Variants in ZMYM4 observed in about 807,000 individuals in gnomAD.
ZMYM4 encodes zinc finger MYM-type containing 4, also known as zinc finger MYM-type protein 4.
ZMYM4 carries 31 observed loss-of-function variants against 183.2 expected under a neutral mutation model. The ratio of observed to expected loss-of-function variants is 0.17; its 90% CI spans 0.13 to 0.23. ZMYM4 has a LOEUF of 0.23. Among genes scored for constraint, ZMYM4 ranks in the 10% least tolerant of loss-of-function variants. The pLI, the probability that ZMYM4 is intolerant of heterozygous loss-of-function variation, is 1.00. For synonymous variants in ZMYM4, 592 were observed against 631.2 expected (o/e 0.94, Z 0.93); for missense variants, 1,273 against 1,840.3 (o/e 0.69, Z 5.64).
intron 5 of ZMYM4, among the ~76,000 whole-genome samples, chr1:35,364,368 C>T (rs918000552): frequency 6.6e-6 from 1 of 152,096 alleles, no homozygotes; most frequent in Non-Finnish European, 1.5e-5. Flanking sequence ...CAATACCAGT[C>T]CTATAGGATC....
chr1:35,322,064 A>G (rs1465488731), intron 1 of ZMYM4, among the ~76,000 whole-genome samples: 1 of 152,064 alleles, frequency 6.6e-6, no homozygotes, highest in Non-Finnish European at 1.5e-5. Context: ...TAATTTTCCA[A>G]GATATACTAT....
chr1:35,284,024 C>T (rs556541237), intron 1 of ZMYM4, among the ~76,000 whole-genome samples: 9 of 151,342 alleles, frequency 5.9e-5, no homozygotes, highest in South Asian at 2.1e-4. Flanking sequence ...GGCTGGACTG[C>T]GGACTGCAGT....
intron 2 of ZMYM4, among the ~76,000 whole-genome samples, chr1:35,330,892 A>T (rs935551495): frequency 3.9e-5 from 6 of 152,346 alleles, no homozygotes; most frequent in Admixed American, 1.3e-4. Context: ...TTATTATTCG[A>T]TGAAATAGTG....
At position 35,387,231 on chromosome 1, in the gene ZMYM4, C is replaced by T; in HGVS notation, c.2065C>T (p.His689Tyr). ...AAGTGTTGTGAAACTCAAATGTCAA[C>T]ACTGTAACCGTCTTTTTGCCACAAA... is the stretch of plus-strand genomic sequence containing the variant. ...ARSVVKLKCQ[H>Y]CNRLFATKPE... The change falls in exon 12 of 30, where the codon CAC (histidine) becomes TAC (tyrosine). Residue 689 changes from histidine (H) to tyrosine (Y), a missense_variant. This residue lies in a region of ZMYM4 where 319 missense variants were observed against 518.1 expected (regional missense o/e 0.62). Coordinates refer to ENST00000314607, the MANE Select transcript of ZMYM4 (RefSeq NM_005095.3). 6.2e-7 allele frequency: 1 copy of T among 1,614,206 alleles called. No individual in the cohort carries two copies. Among genetic ancestry groups the T allele is most frequent in the Non-Finnish European group, 8.5e-7 (1 of 1,180,022 alleles).
chr1:35,368,974 G>A (rs1245595574), intron 5 of ZMYM4, among the ~76,000 whole-genome samples: 1 of 151,890 alleles, frequency 6.6e-6, no homozygotes, highest in African/African-American at 2.4e-5. Flanking sequence ...GAGGTTTTTG[G>A]TGCCCCCTTA....
At chr1:35,398,635 A>C (rs1240171363) in intron 21 of ZMYM4, among the ~76,000 whole-genome samples, 169 bp downstream of exon 21, 1 of 152,202 alleles carries the variant, frequency 6.6e-6, no homozygotes, top group Non-Finnish European at 1.5e-5. Flanking sequence ...AAGCCACTCA[A>C]ATGTTTGTTT....
In ZMYM4 at chr1:35,389,609, G is replaced by T. The variant is rs565669642; in HGVS notation, c.2437-339G>T. Among the ~76,000 whole-genome samples the T allele has an allele frequency of 2.2e-4, 34 of 152,074 alleles. No homozygotes were observed. The highest frequency in any genetic ancestry group is 7.0e-4 in the African/African-American group (29 of 41,504). The stretch of plus-strand genomic sequence containing the variant: ...CTCTACTAAAAATACAAAAAAATTA[G>T]CTGGGTGTGGTGGCGGGCGCCTGTA... On this transcript the variant is annotated intron_variant, in intron 14 of 29. Transcript: ENST00000314607. This position sits in a 1 kb window ranked among gnomAD's most constrained non-coding sequence, Gnocchi z 4.0.
chr1:35,306,760 A>G (rs1641551683), intron 1 of ZMYM4, among the ~76,000 whole-genome samples: 1 of 152,132 alleles, frequency 6.6e-6, no homozygotes, highest in Non-Finnish European at 1.5e-5. Flanking sequence ...GACCTCCTCT[A>G]CTAAAACTTT....
chr1:35,334,719 C>G (rs1642900821), intron 2 of ZMYM4, among the ~76,000 whole-genome samples: 1 of 152,160 alleles, frequency 6.6e-6, no homozygotes, highest in Non-Finnish European at 1.5e-5. Context: ...AATAGACAAT[C>G]ACTATTCATT....
intron 1 of ZMYM4, chr1:35,308,898 T>C (rs1641671901): frequency 2.2e-6 from 2 of 915,172 alleles, no homozygotes; most frequent in Admixed American, 1.2e-4. Flanking sequence ...AGGAAATTTT[T>C]TGCTTTTGGA....
At chr1:35,414,146 G>A in intron 27 of ZMYM4, 63 bp downstream of exon 27, 1 of 1,027,178 alleles carries the variant, frequency 9.7e-7, no homozygotes, top group Non-Finnish European at 1.5e-6. Context: ...AACTTTTTTG[G>A]TTATCTTTAA....
Position 35,399,586 on chromosome 1 carries a change from A to C in ZMYM4, c.3528+10A>C. ...CCAACCCAGACGAAGAGTAAGCTGC[A>C]GCTTAACTTTTCTAGACTTTTCTTT... On this transcript the variant is annotated intron_variant, in intron 23 of 29. Coordinates refer to ENST00000314607, the MANE Select transcript of ZMYM4 (RefSeq NM_005095.3). 6.2e-7 allele frequency: 1 copy of C among 1,614,004 alleles called. No homozygotes were observed. Among genetic ancestry groups the C allele is most frequent in the Non-Finnish European group, 8.5e-7 (1 of 1,179,924 alleles).
At chr1:35,382,262 ATG>A (rs893454954) in intron 9 of ZMYM4, among the ~76,000 whole-genome samples, 14 of 150,790 alleles carry the variant, frequency 9.3e-5, no homozygotes, top group Non-Finnish European at 1.8e-4. Flanking sequence ...GTAAATATGT[ATG>A]TGTATATATA....
chr1:35,407,713 C>T (rs1645029478), intron 25 of ZMYM4, among the ~76,000 whole-genome samples: 1 of 152,168 alleles, frequency 6.6e-6, no homozygotes, highest in Admixed American at 6.5e-5. Context: ...GGTCTAGCTC[C>T]AGTATCACGT....
chr1:35,283,300 C>T (rs1278456843), intron 1 of ZMYM4, among the ~76,000 whole-genome samples: 2 of 137,272 alleles, frequency 1.5e-5, no homozygotes, highest in South Asian at 4.8e-4. Flanking sequence ...TGGTTAATAA[C>T]TGTCCTAGTG....
At chr1:35,327,536 TA>T (rs1642557094) in intron 2 of ZMYM4, among the ~76,000 whole-genome samples, 1 of 152,208 alleles carries the variant, frequency 6.6e-6, no homozygotes, top group African/African-American at 2.4e-5. Flanking sequence ...AGAATGATAA[TA>T]TTTTTAGACT....
Position 35,419,670 on chromosome 1 carries a change from C to T in ZMYM4, c.4640C>T (p.Ser1547Leu). The T allele has an allele frequency of 1.2e-6, 2 of 1,614,064 alleles. No homozygotes were observed. The highest frequency in any genetic ancestry group is 1.7e-6 in the Non-Finnish European group (2 of 1,179,982). The change falls in exon 30 of 30, where the codon TCA (serine) becomes TTA (leucine). Residue 1547 changes from serine to leucine, a missense_variant. Around this residue, in one of 6 missense-constraint regions of ZMYM4, gnomAD observed 145 missense variants for 331.6 expected, o/e 0.44. Transcript: ENST00000314607. ...AKSEDSDVEL[S>L]D Reference sequence around the variant, plus strand: ...TCTGAAGACTCTGATGTTGAATTATCAGATTAAAACGGAAGTGAGGTTCTT... The same window carrying T: ...TCTGAAGACTCTGATGTTGAATTATTAGATTAAAACGGAAGTGAGGTTCTT...
chr1:35,419,360 A>T, intron 29 of ZMYM4, 110 bp from the exon 30 acceptor site: 1 of 1,196,674 alleles, frequency 8.4e-7, no homozygotes, highest in Non-Finnish European at 1.2e-6. Context: ...CCTTACTTTT[A>T]ATTACTTTTA....
At chr1:35,322,378 C>G (rs1473597685) in intron 1 of ZMYM4, among the ~76,000 whole-genome samples, 1 of 151,882 alleles carries the variant, frequency 6.6e-6, no homozygotes, top group Non-Finnish European at 1.5e-5. Context: ...ATGAAGATCT[C>G]TTTTTCTGGT....
Sources: allele counts gnomAD v4.1 joint callset (sites outside exome capture counted in the v4.1 genomes callset), GRCh38; gene constraint gnomAD v4.1.1; regional missense constraint gnomAD v4.1.1; non-coding constraint Gnocchi (gnomAD v3.1); transcripts MANE v1.5; gene names NCBI Gene and HGNC (gene_info 2026-07-23, HGNC 2026-07-21).